WDPCP: variants seen among roughly 807,000 people sequenced by gnomAD.
WDPCP encodes the protein WD repeat containing planar cell polarity effector.
WDPCP carries 71 observed loss-of-function variants against 93.1 expected under a neutral mutation model. The ratio of observed to expected loss-of-function variants is 0.76; its 90% CI spans 0.63 to 0.93. The LOEUF (loss-of-function observed/expected upper bound fraction) is 0.93, where lower values mean the gene tolerates loss of function less well. Ranked by LOEUF, WDPCP falls within the 40% of genes least tolerant of loss-of-function variation. The pLI is 0.00. For synonymous variants in WDPCP, 315 were observed against 315.0 expected, an observed-to-expected ratio of 1.00 and a Z score of 0.00; for missense variants, 844 against 887.4, an observed-to-expected ratio of 0.95 and a Z score of 0.62.
At chr2:63,605,324 A>G (rs200435709) in intron 3 of WDPCP, 17 of 1,614,168 alleles carry the variant, frequency 1.1e-5, no homozygotes, top group Non-Finnish European at 1.4e-5. Context: ...CTCGAAAACT[A>G]TCCAGTGCCA....
intron 2 of WDPCP, among the ~76,000 whole-genome samples, chr2:63,776,861 A>G (rs1285900626): frequency 6.6e-6 from 1 of 152,128 alleles, no homozygotes; most frequent in Non-Finnish European, 1.5e-5. Flanking sequence ...AGACCCAGAA[A>G]GACAAATACT....
At chr2:63,208,890 T>C (rs1676538933) in intron 14 of WDPCP, among the ~76,000 whole-genome samples, 1 of 152,218 alleles carries the variant, frequency 6.6e-6, no homozygotes, top group Admixed American at 6.5e-5. Flanking sequence ...CTCCCTGAGC[T>C]TGCCTTGGAA....
At chr2:63,339,111 C>G (rs1688659052) in intron 12 of WDPCP, among the ~76,000 whole-genome samples, 1 of 151,882 alleles carries the variant, frequency 6.6e-6, no homozygotes, top group Non-Finnish European at 1.5e-5. Flanking sequence ...TATATTGACT[C>G]CTAGGTACTT....
At chr2:63,730,968 T>C (rs1307986100) in intron 2 of WDPCP, among the ~76,000 whole-genome samples, 2 of 151,836 alleles carry the variant, frequency 1.3e-5, no homozygotes, top group Non-Finnish European at 2.9e-5. Context: ...ATACAAGCAC[T>C]ATCTTAAAAG....
chr2:63,472,809 C>T (rs1365198125), intron 6 of WDPCP, among the ~76,000 whole-genome samples: 1 of 152,220 alleles, frequency 6.6e-6, no homozygotes. Context: ...ATCCACCCAC[C>T]TTGGCCCCCC....
At chr2:63,589,763 G>T (rs1709127261), upstream of WDPCP, among the ~76,000 whole-genome samples, 2 of 152,118 alleles carry the variant, frequency 1.3e-5, 1 homozygote. Flanking sequence ...CATCTCCATC[G>T]CTTGTCTCTG....
chr2:63,669,662 A>AT (rs1236410722), intron 2 of WDPCP, among the ~76,000 whole-genome samples: 1 of 152,132 alleles, frequency 6.6e-6, no homozygotes, highest in African/African-American at 2.4e-5. Flanking sequence ...GCCCAGCCTA[A>AT]TTTTTAATTT....
At chr2:63,629,333 G>A (rs1346706764) in intron 3 of WDPCP, among the ~76,000 whole-genome samples, 2 of 152,214 alleles carry the variant, frequency 1.3e-5, no homozygotes, top group Non-Finnish European at 2.9e-5. Flanking sequence ...AGGCCGTGCT[G>A]TAAAAAGGCA....
chr2:63,697,083 A>C (rs1668969671), intron 2 of WDPCP, among the ~76,000 whole-genome samples: 1 of 152,224 alleles, frequency 6.6e-6, no homozygotes, highest in Non-Finnish European at 1.5e-5. Flanking sequence ...AATCCTATTC[A>C]GTCTTAAAAT....
At chr2:63,708,640 C>A (rs1280540725) in intron 2 of WDPCP, among the ~76,000 whole-genome samples, 3 of 152,132 alleles carry the variant, frequency 2.0e-5, no homozygotes, top group Non-Finnish European at 2.9e-5. Context: ...TGTCCTGCAC[C>A]CACTGTCCGG....
intron 15 of WDPCP, among the ~76,000 whole-genome samples, chr2:63,172,244 G>A (rs1440560835): frequency 1.3e-5 from 2 of 152,170 alleles, no homozygotes; most frequent in African/African-American, 4.8e-5. Flanking sequence ...GGTGGCTCAC[G>A]CCTGTAATCC....
intron 4 of WDPCP, among the ~76,000 whole-genome samples, chr2:63,486,005 A>G (rs1444449252): frequency 6.6e-6 from 1 of 151,766 alleles, no homozygotes; most frequent in Non-Finnish European, 1.5e-5. Flanking sequence ...AACCATTTAA[A>G]AAACAAGAGA....
intron 13 of WDPCP, among the ~76,000 whole-genome samples, chr2:63,286,879 G>T (rs1684044632): frequency 1.3e-5 from 2 of 151,742 alleles, no homozygotes. Context: ...CTATTTACTA[G>T]TTCTAAAGTT....
intron 3 of WDPCP, among the ~76,000 whole-genome samples, chr2:63,596,353 T>G (rs1709311614): frequency 6.6e-6 from 1 of 152,154 alleles, no homozygotes; most frequent in African/African-American, 2.4e-5. Context: ...ATCTAAGTCT[T>G]TTGGTTGCAA....
intron 13 of WDPCP, among the ~76,000 whole-genome samples, chr2:63,266,955 AT>A (rs1328326947): frequency 8.6e-5 from 13 of 151,596 alleles, no homozygotes; most frequent in South Asian, 2.1e-4. Flanking sequence ...TTCCAATGTC[AT>A]TTTTTTTTAG....
At chr2:63,130,378 C>G (rs1358338402) in intron 17 of WDPCP, among the ~76,000 whole-genome samples, 2 of 152,026 alleles carry the variant, frequency 1.3e-5, no homozygotes, top group Admixed American at 1.3e-4. Context: ...GTCTTTTCCC[C>G]CATTAAATGG....
At chr2:63,489,200 C>A (rs1348459715) in intron 2 of WDPCP, among the ~76,000 whole-genome samples, 1 of 151,888 alleles carries the variant, frequency 6.6e-6, no homozygotes, top group Non-Finnish European at 1.5e-5. Flanking sequence ...AACAGGGTGA[C>A]TGATAAGTCA....
chr2:63,397,244 G>A lies in WDPCP; in HGVS notation c.1435+6804C>T, dbSNP rs1693805258. ...GATAGGATTTGGTCACTAATTGGATGTGGCATTAGGAGTGAGGGAGGATTC... is the reference window on the plus strand; with the variant it reads ...GATAGGATTTGGTCACTAATTGGATATGGCATTAGGAGTGAGGGAGGATTC... On this transcript the variant is annotated intron_variant, in intron 10 of 17. Coordinates refer to ENST00000272321, the MANE Select transcript of WDPCP (RefSeq NM_015910.7). Among the ~76,000 whole-genome samples, 3 of 152,166 alleles carry A rather than the reference G, an allele frequency of 2.0e-5. No individual in the cohort carries two copies. In the South Asian group the frequency reaches 6.2e-4, roughly 32 times the overall value.
At chr2:63,704,269 T>C (rs1299656822) in intron 2 of WDPCP, among the ~76,000 whole-genome samples, 1 of 152,330 alleles carries the variant, frequency 6.6e-6, no homozygotes, top group East Asian at 1.9e-4. Flanking sequence ...ACTTCCTCTT[T>C]TCCTAATTGA....
Sources: gnomAD v4.1 joint callset for allele counts (sites outside exome capture counted in the v4.1 genomes callset) on GRCh38, gnomAD v4.1.1 for gene constraint, MANE v1.5 for transcripts, NCBI Gene and HGNC (gene_info 2026-07-23, HGNC 2026-07-21) for gene names.